Variants in PTPRD observed in about 807,000 individuals in gnomAD.
The protein encoded by PTPRD is receptor-type tyrosine-protein phosphatase delta.
A neutral mutation model predicts 214.5 loss-of-function variants in PTPRD; 34 were observed. The observed-to-expected ratio is 0.16, with a 90% CI of 0.12 to 0.21. PTPRD has a LOEUF of 0.21. Ranked by LOEUF, PTPRD falls within the 10% of genes least tolerant of loss-of-function variation. PTPRD has a pLI of 1.00. For synonymous variants in PTPRD, 1,128 were observed against 845.7 expected (o/e 1.33, Z -5.79); for missense variants, 2,545 against 2,398.7 (o/e 1.06, Z -1.27).
intron 35 of PTPRD, among the ~76,000 whole-genome samples, chr9:8,406,445 A>G (rs760721300): frequency 2.6e-5 from 4 of 152,212 alleles, no homozygotes; most frequent in Admixed American, 6.5e-5. Context: ...TCCACTCTTC[A>G]TACTGCTGCC....
In PTPRD at chr9:10,339,768, A is replaced by G. The variant is rs969403098; in HGVS notation, c.-545+1195T>C. Among the ~76,000 whole-genome samples the G allele has an allele frequency of 1.8e-4, 28 of 151,840 alleles. 1 individual carries two copies. Among genetic ancestry groups the G allele is most frequent in the African/African-American group, 6.3e-4 (26 of 41,484 alleles). ...TGGTCTCATTATTTTTTCACTCCCC[A>G]CATTGCTCTGATGATAGCAATGTAC... On this transcript the variant is annotated intron_variant, in intron 3 of 45. Coordinates refer to ENST00000381196, the MANE Select transcript of PTPRD (RefSeq NM_002839.4).
intron 2 of PTPRD, among the ~76,000 whole-genome samples, chr9:10,533,523 A>G (rs1437970193): frequency 7.2e-6 from 1 of 139,560 alleles, no homozygotes; most frequent in Non-Finnish European, 1.6e-5. Flanking sequence ...AAATTAGTCT[A>G]ATTTTTGGTG....
chr9:8,671,567 T>A (rs2097286547), intron 12 of PTPRD, among the ~76,000 whole-genome samples: 1 of 152,150 alleles, frequency 6.6e-6, no homozygotes, highest in Admixed American at 6.5e-5. Flanking sequence ...AAAGTCCACT[T>A]TTTAAAAATG....
chr9:9,575,963 A>C (rs1323945988), intron 7 of PTPRD, among the ~76,000 whole-genome samples: 1 of 152,060 alleles, frequency 6.6e-6, no homozygotes, highest in Non-Finnish European at 1.5e-5. Flanking sequence ...AGAAATTAGT[A>C]GTACTTGCAA....
At chr9:8,823,208 A>G (rs1295868477) in intron 11 of PTPRD, among the ~76,000 whole-genome samples, 1 of 151,552 alleles carries the variant, frequency 6.6e-6, no homozygotes, top group Non-Finnish European at 1.5e-5. Context: ...TAGAAGTTTC[A>G]CCCCCTTTGC....
intron 11 of PTPRD, among the ~76,000 whole-genome samples, chr9:8,766,897 G>A (rs1407805399): frequency 6.6e-6 from 1 of 152,106 alleles, no homozygotes; most frequent in African/African-American, 2.4e-5. Flanking sequence ...ATTAGCCGAT[G>A]GTGAAATTGG....
intron 23 of PTPRD, 106 bp downstream of exon 23, chr9:8,504,155 T>A (rs1283169018): frequency 8.8e-7 from 1 of 1,142,612 alleles, no homozygotes; most frequent in African/African-American, 1.5e-5. Context: ...ACCTAGAGAC[T>A]AACTATTAAG....
At chr9:10,085,639 C>A (rs1354261025) in intron 3 of PTPRD, among the ~76,000 whole-genome samples, 2 of 151,578 alleles carry the variant, frequency 1.3e-5, no homozygotes, top group Non-Finnish European at 2.9e-5. Context: ...AGAATACTGG[C>A]GCCTGCCTGT....
At chr9:8,987,309 T>G (rs2154344812) in intron 11 of PTPRD, among the ~76,000 whole-genome samples, 1 of 152,118 alleles carries the variant, frequency 6.6e-6, no homozygotes, top group Non-Finnish European at 1.5e-5. Flanking sequence ...ATGAACCTCA[T>G]TAGGGTTCAG....
chr9:8,816,540 T>C (rs986003976), intron 11 of PTPRD, among the ~76,000 whole-genome samples: 3 of 152,218 alleles, frequency 2.0e-5, no homozygotes, highest in African/African-American at 7.2e-5. Context: ...CATTCTTCCA[T>C]GCAACCATGT....
chr9:9,002,774 G>A (rs2099429055), intron 11 of PTPRD, among the ~76,000 whole-genome samples: 1 of 152,068 alleles, frequency 6.6e-6, no homozygotes, highest in South Asian at 2.1e-4. Context: ...AATTGAGGAA[G>A]TTGTTCTTGC....
chr9:10,479,157 G>C (rs759998610), intron 2 of PTPRD, among the ~76,000 whole-genome samples: 1 of 152,044 alleles, frequency 6.6e-6, no homozygotes, highest in Non-Finnish European at 1.5e-5. Flanking sequence ...TTCTATACTC[G>C]TATAATTCTC....
intron 8 of PTPRD, among the ~76,000 whole-genome samples, chr9:9,467,213 C>CG (rs1295163512): frequency 0.084 from 7,742 of 92,410 alleles, 224 homozygotes; most frequent in Non-Finnish European, 0.11. Flanking sequence ...GTTCATTTAT[C>CG]TTTTTTTTTT....
At chr9:8,895,411 G>T (rs72704370) in intron 11 of PTPRD, among the ~76,000 whole-genome samples, 1 of 152,032 alleles carries the variant, frequency 6.6e-6, no homozygotes, top group Non-Finnish European at 1.5e-5. Context: ...AAGAGACTGA[G>T]AGTTTTACTT....
chr9:10,170,772 CA>C (rs1411551924), intron 3 of PTPRD, among the ~76,000 whole-genome samples: 3 of 152,198 alleles, frequency 2.0e-5, no homozygotes, highest in Non-Finnish European at 2.9e-5. Flanking sequence ...TCATTTTTGA[CA>C]ACACAGTATC....
At chr9:10,446,065 G>C (rs1029369078) in intron 2 of PTPRD, among the ~76,000 whole-genome samples, 1 of 151,926 alleles carries the variant, frequency 6.6e-6, no homozygotes, top group Non-Finnish European at 1.5e-5. Flanking sequence ...CCAGAGCGGG[G>C]AAGTACCCAA....
intron 2 of PTPRD, among the ~76,000 whole-genome samples, chr9:10,581,867 A>T (rs925380307): frequency 6.6e-6 from 1 of 152,200 alleles, no homozygotes; most frequent in Non-Finnish European, 1.5e-5. Context: ...TATTAATAAT[A>T]TTTATCAGAA....
intron 2 of PTPRD, among the ~76,000 whole-genome samples, chr9:10,387,689 T>C (rs1192075351): frequency 1.3e-5 from 2 of 151,470 alleles, no homozygotes; most frequent in Admixed American, 6.6e-5. Context: ...ACATGACAAA[T>C]GAAAGCTTCA....
At chr9:8,840,756 A>AT (rs77917780) in intron 11 of PTPRD, among the ~76,000 whole-genome samples, 14,159 of 150,564 alleles carry the variant, frequency 0.094, 679 homozygotes, top group Non-Finnish European at 0.1. Context: ...CCCATTCTTA[A>AT]TTTTTTTTTT....
Sources: allele counts gnomAD v4.1 joint callset (sites outside exome capture counted in the v4.1 genomes callset), GRCh38; gene constraint gnomAD v4.1.1; transcripts MANE v1.5; gene names NCBI Gene and HGNC (gene_info 2026-07-23, HGNC 2026-07-21).